Variants in SMC6 observed in about 807,000 individuals in gnomAD.
SMC6 encodes structural maintenance of chromosomes protein 6.
A neutral mutation model predicts 142.2 loss-of-function variants in SMC6; 79 were observed. That is an observed-to-expected ratio of 0.56 (90% CI 0.46 to 0.67). SMC6 has a LOEUF of 0.67. Among genes scored for constraint, SMC6 ranks in the 30% least tolerant of loss-of-function variants. The probability of loss-of-function intolerance (pLI) is 0.00; values close to 1 mark genes in which losing one functional copy is unlikely to be tolerated. For synonymous variants in SMC6, 411 were observed against 412.4 expected, an observed-to-expected ratio of 1.00 and a Z score of 0.04; for missense variants, 1,072 against 1,284.0, an observed-to-expected ratio of 0.83 and a Z score of 2.52.
chr2:17,752,044 T>C (rs1671066740), intron 2 of SMC6, among the ~76,000 whole-genome samples: 2 of 152,364 alleles, frequency 1.3e-5, no homozygotes, highest in South Asian at 4.1e-4. Context: ...CTAACTGGTT[T>C]ATACGGATTG....
At chr2:17,730,548 T>C (rs1027573237) in intron 7 of SMC6, among the ~76,000 whole-genome samples, 3 of 151,780 alleles carry the variant, frequency 2.0e-5, no homozygotes, top group Non-Finnish European at 4.4e-5. Flanking sequence ...GACTGGTCTA[T>C]CAAATTAAAG....
chr2:17,698,511 C>T (rs540049245), intron 21 of SMC6, among the ~76,000 whole-genome samples: 56 of 151,848 alleles, frequency 3.7e-4, no homozygotes, highest in Non-Finnish European at 7.5e-4. Context: ...ATTTTGAAGT[C>T]CACTTCATCT....
chr2:17,742,734 A>T (rs967096994), intron 3 of SMC6, among the ~76,000 whole-genome samples: 2 of 152,216 alleles, frequency 1.3e-5, no homozygotes, highest in African/African-American at 2.4e-5. Context: ...ACGAATTTTT[A>T]AAATATTTTT....
intron 21 of SMC6, among the ~76,000 whole-genome samples, chr2:17,698,045 C>T (rs1322047232): frequency 6.6e-6 from 1 of 152,044 alleles, no homozygotes; most frequent in Non-Finnish European, 1.5e-5. Context: ...CAAAAGACCA[C>T]ATACTATATG....
At chr2:17,729,485 G>A (rs1669804659) in intron 7 of SMC6, among the ~76,000 whole-genome samples, 1 of 152,154 alleles carries the variant, frequency 6.6e-6, no homozygotes. Flanking sequence ...GCTGTCCACA[G>A]AAGAAGGAAG....
At chr2:17,748,935 C>T (rs946576932) in intron 2 of SMC6, among the ~76,000 whole-genome samples, 5 of 152,168 alleles carry the variant, frequency 3.3e-5, no homozygotes, top group East Asian at 1.9e-4. Flanking sequence ...TACGTGATGA[C>T]GATGTTTTTT....
chr2:17,682,914 A>G (rs968804599), intron 24 of SMC6, among the ~76,000 whole-genome samples: 4 of 151,442 alleles, frequency 2.6e-5, no homozygotes, highest in African/African-American at 9.7e-5. Context: ...CAAGCTTAAG[A>G]TGGTAGAATT....
chr2:17,718,208 C>T lies in SMC6; in HGVS notation c.961G>A (p.Ala321Thr). The T allele has an allele frequency of 6.2e-7, 1 of 1,600,628 alleles. No individual in the cohort carries two copies. Among genetic ancestry groups the T allele is most frequent in the Non-Finnish European group, 8.5e-7 (1 of 1,173,516 alleles). Reference protein sequence around the residue: ...MEEQQVRLNEAEQKYKDIQDK... With the variant: ...MEEQQVRLNETEQKYKDIQDK... Reference sequence around the variant, plus strand: ...TGAATATCCTTGTACTTTTGTTCTGCCTCATTAAGTCTGACCTTTAAGAAA... The same window carrying T: ...TGAATATCCTTGTACTTTTGTTCTGTCTCATTAAGTCTGACCTTTAAGAAA... Residue 321 changes from alanine (A) to threonine (T), a missense_variant, in exon 12 of 28, where the codon GCA (alanine) becomes ACA (threonine). Physicochemically the swap from Ala to Thr is moderately conservative, Grantham distance 58. Around this residue, in one of 3 missense-constraint regions of SMC6, gnomAD observed 994 missense variants for 1,153.2 expected, o/e 0.86. Transcript: ENST00000448223.
intron 23 of SMC6, among the ~76,000 whole-genome samples, chr2:17,690,253 G>C (rs1667642940): frequency 6.6e-6 from 1 of 152,134 alleles, no homozygotes. Context: ...ATGAAAATCA[G>C]AAAGAACATC....
intron 8 of SMC6, among the ~76,000 whole-genome samples, chr2:17,725,995 C>T (rs1221527584): frequency 2.8e-5 from 4 of 142,422 alleles, no homozygotes; most frequent in Admixed American, 7.6e-5. Flanking sequence ...GGCTGAGGCA[C>T]GAAAATCACT....
intron 9 of SMC6, among the ~76,000 whole-genome samples, chr2:17,722,221 C>T (rs997574842): frequency 4.6e-5 from 7 of 152,134 alleles, no homozygotes; most frequent in African/African-American, 1.7e-4. Flanking sequence ...AGCCATCAGA[C>T]AGAAACTCCC....
chr2:17,674,508 C>T (rs530909566), intron 25 of SMC6, among the ~76,000 whole-genome samples: 5 of 152,100 alleles, frequency 3.3e-5, no homozygotes, highest in Non-Finnish European at 7.4e-5. Context: ...AAACAATATA[C>T]ACTCTGTGGT....
chr2:17,752,052 T>C lies in SMC6; in HGVS notation c.-6+926A>G, dbSNP rs146495535. Among the ~76,000 whole-genome samples, 717 of 152,354 alleles carry C rather than the reference T, an allele frequency of 4.7e-3. 8 individuals are homozygous for C. The highest frequency in any genetic ancestry group is 0.016 in the African/African-American group (672 of 41,582). ...CTCAATACTAACTGGTTTATACGGATTGCAGACAGATGTCGATATATAACT... is the reference window on the plus strand; with the variant it reads ...CTCAATACTAACTGGTTTATACGGACTGCAGACAGATGTCGATATATAACT... On this transcript the variant is annotated intron_variant, in intron 2 of 27. Transcript: ENST00000448223.
chr2:17,746,870 T>G (rs1025121331), intron 2 of SMC6, among the ~76,000 whole-genome samples: 1 of 152,158 alleles, frequency 6.6e-6, no homozygotes, highest in South Asian at 2.1e-4. Context: ...TAATCAAAAA[T>G]TTCTAAGATA....
chr2:17,712,428 CAGAA>C (rs1334760564), intron 16 of SMC6, among the ~76,000 whole-genome samples: 3 of 152,250 alleles, frequency 2.0e-5, no homozygotes, highest in African/African-American at 7.2e-5. Context: ...TAGCCTCAGA[CAGAA>C]AGAATCTCTC....
At chr2:17,711,558 T>C (rs549216578) in intron 16 of SMC6, among the ~76,000 whole-genome samples, 1 of 152,098 alleles carries the variant, frequency 6.6e-6, no homozygotes, top group East Asian at 1.9e-4. Context: ...ATTTCTAAAG[T>C]CAAGTAAAAG....
At chr2:17,715,123 ATCC>A (rs139060299) in intron 15 of SMC6, 58 bp from the exon 16 acceptor site, 39,394 of 1,489,630 alleles carry the variant, frequency 0.026, 1,570 homozygotes, top group African/African-American at 0.18. Context: ...AAATATTAAC[ATCC>A]TCCTCTTTAA....
chr2:17,695,646 C>A (rs1667952429), intron 22 of SMC6, among the ~76,000 whole-genome samples: 1 of 152,048 alleles, frequency 6.6e-6, no homozygotes, highest in African/African-American at 2.4e-5. Flanking sequence ...ACTCTGAGCA[C>A]CAATGGTATT....
chr2:17,729,114 A>G (rs1360143805), intron 7 of SMC6, among the ~76,000 whole-genome samples: 2 of 152,218 alleles, frequency 1.3e-5, no homozygotes, highest in Non-Finnish European at 2.9e-5. Flanking sequence ...GTGAAATTTA[A>G]TAACATATTT....
Sources: allele counts gnomAD v4.1 joint callset (sites outside exome capture counted in the v4.1 genomes callset), GRCh38; gene constraint gnomAD v4.1.1; regional missense constraint gnomAD v4.1.1; transcripts MANE v1.5; gene names NCBI Gene and HGNC (gene_info 2026-07-23, HGNC 2026-07-21).